Variants in LYPD1 observed in about 807,000 individuals in gnomAD.
LYPD1 encodes the protein ly6/PLAUR domain-containing protein 1.
Under a neutral mutation model 14.2 loss-of-function variants are expected in LYPD1, and 14 were observed. The observed-to-expected ratio is 0.99, with a 90% CI of 0.65 to 1.54. LYPD1 has a LOEUF of 1.54. Among genes scored for constraint, LYPD1 ranks in the 40% most tolerant of loss-of-function variants. The probability of loss-of-function intolerance (pLI) is 0.00; values close to 1 mark genes in which losing one functional copy is unlikely to be tolerated. For synonymous variants in LYPD1, 85 were observed against 70.6 expected, an observed-to-expected ratio of 1.20 and a Z score of -1.02; for missense variants, 165 against 175.7, an observed-to-expected ratio of 0.94 and a Z score of 0.34.
intron 2 of LYPD1, among the ~76,000 whole-genome samples, chr2:132,667,228 C>T (rs1262109939): frequency 6.6e-6 from 1 of 152,198 alleles, no homozygotes; most frequent in Non-Finnish European, 1.5e-5. Flanking sequence ...GCCAGTATGT[C>T]TGAGGCTTCC....
chr2:132,648,969 A>C (rs1314860792), intron 2 of LYPD1, among the ~76,000 whole-genome samples: 1 of 152,168 alleles, frequency 6.6e-6, no homozygotes, highest in East Asian at 1.9e-4. Context: ...CTTGGTTAAA[A>C]TCTAAGTCTG....
rs892597408 is a variant in LYPD1 at position 132,669,774 on chromosome 2, C to T, written c.52+107G>A. On this transcript the variant is annotated intron_variant, in intron 1 of 2. Transcript: ENST00000397463. This position sits in a 1 kb window ranked among gnomAD's most constrained non-coding sequence, Gnocchi z 4.3. ...CGGCCGCCAACTCCCGCTGGGCAGC[C>T]CCAGCGCAGGGCTGGCCCCGAGGTG... 4.0e-5 allele frequency: 61 copies of T among 1,512,812 alleles called. No homozygotes were observed. Among genetic ancestry groups the T allele is most frequent in the Non-Finnish European group, 5.2e-5 (59 of 1,137,494 alleles). The allele number at this position is 1,512,812 out of a possible 1,614,324, so 93.7% of individuals were successfully genotyped here.
chr2:132,666,471 A>T (rs112604693), intron 2 of LYPD1, among the ~76,000 whole-genome samples: 4,333 of 152,124 alleles, frequency 0.028, 211 homozygotes, highest in African/African-American at 0.098. Context: ...AAACTTCACA[A>T]TTGAAACTGC....
chr2:132,663,343 A>T (rs1336384540), intron 2 of LYPD1, among the ~76,000 whole-genome samples: 1 of 152,172 alleles, frequency 6.6e-6, no homozygotes, highest in Admixed American at 6.5e-5. Context: ...GAGTAATCTC[A>T]GCTCATTACA....
chr2:132,650,050 C>T (rs73955769), intron 2 of LYPD1, among the ~76,000 whole-genome samples: 1,741 of 152,162 alleles, frequency 0.011, 26 homozygotes, highest in African/African-American at 0.035. Flanking sequence ...ATAATTGTAA[C>T]TCAAATCACA....
intron 2 of LYPD1, among the ~76,000 whole-genome samples, chr2:132,649,325 T>C (rs540919405): frequency 6.6e-6 from 1 of 152,266 alleles, no homozygotes; most frequent in East Asian, 1.9e-4. Context: ...GGGATGGGGC[T>C]GAGTGGTGAG....
At position 132,646,031 on chromosome 2, in the gene LYPD1, C is replaced by T. The variant is rs116097695; in HGVS notation, c.*14G>A. On this transcript the variant is annotated 3_prime_UTR_variant, in exon 3 of 3. Transcript: ENST00000397463. ...GGAAGAACAATGCAGGAGGGGGTGG[C>T]ATCTCCTTCAGCTTCAGCAGTGTGC... is the stretch of plus-strand genomic sequence containing the variant. 280 of 1,516,330 alleles carry T rather than the reference C, an allele frequency of 1.8e-4. 1 individual carries two copies. The African/African-American group carries it at 3.2e-3, about 17-fold the overall frequency. 93.9% of individuals were successfully genotyped at this position (1,516,330 alleles called of 1,614,324 possible).
chr2:132,658,564 C>T (rs956875226), intron 2 of LYPD1, among the ~76,000 whole-genome samples: 1 of 152,112 alleles, frequency 6.6e-6, no homozygotes, highest in Admixed American at 6.5e-5. Context: ...TGATATTCAA[C>T]AAAGGGGGCA....
At chr2:132,664,971 A>C (rs892355148) in intron 2 of LYPD1, among the ~76,000 whole-genome samples, 1 of 152,258 alleles carries the variant, frequency 6.6e-6, no homozygotes, top group African/African-American at 2.4e-5. Flanking sequence ...TAGTGAGAAC[A>C]AGTCATTCAT....
intron 2 of LYPD1, among the ~76,000 whole-genome samples, chr2:132,653,784 A>G (rs533409632): frequency 3.9e-4 from 60 of 152,346 alleles, no homozygotes; most frequent in Non-Finnish European, 7.6e-4. Context: ...GCCCCTTGCT[A>G]CAGTGCACTG....
At chr2:132,648,509 C>T in intron 2 of LYPD1, among the ~76,000 whole-genome samples, 1 of 152,226 alleles carries the variant, frequency 6.6e-6, no homozygotes, top group South Asian at 2.1e-4. Flanking sequence ...CGCTATTCTG[C>T]AATTTGCATT....
chr2:132,669,239 C>T lies in LYPD1; in HGVS notation c.52+642G>A, dbSNP rs946633557. ...CCCCGCAGCCCTTTCTTCCAGGCCCCGGCTTTCAGGACAACCGTTCGACTA... is the reference window on the plus strand; with the variant it reads ...CCCCGCAGCCCTTTCTTCCAGGCCCTGGCTTTCAGGACAACCGTTCGACTA... On this transcript the variant is annotated intron_variant, in intron 1 of 2. Transcript: ENST00000397463. This position sits in a 1 kb window ranked among gnomAD's most constrained non-coding sequence, Gnocchi z 4.3. 1.5e-4 allele frequency among the ~76,000 whole-genome samples: 23 copies of T among 152,158 alleles called. No homozygotes were observed. The highest frequency in any genetic ancestry group is 1.4e-3 in the Admixed American group (21 of 15,284).
Position 132,668,541 on chromosome 2 carries a change from C to A in LYPD1, c.53-4G>T, listed in dbSNP as rs763255121. The A allele has an allele frequency of 1.1e-5, 18 of 1,611,144 alleles. No individual in the cohort carries two copies. The highest frequency in any genetic ancestry group is 1.5e-5 in the Non-Finnish European group (18 of 1,179,060). ...CACTGGATTTGCAGCGCAAAGCCTG[C>A]GAGACAGACGCAGTCGGGTTCAGAT... is the stretch of plus-strand genomic sequence containing the variant. On this transcript the variant is annotated splice_region_variant and splice_polypyrimidine_tract_variant and intron_variant, in intron 1 of 2. Transcript: ENST00000397463.
upstream of LYPD1, among the ~76,000 whole-genome samples, chr2:132,670,665 G>T (rs981020651): frequency 2.6e-5 from 4 of 152,266 alleles, no homozygotes; most frequent in Middle Eastern, 3.4e-3. The surrounding 1 kb of genome is among the most constrained non-coding windows in gnomAD (Gnocchi z 4.5). Context: ...CGCCCCGGGA[G>T]GCTGACAGGA....
chr2:132,661,238 C>G (rs938659000), intron 2 of LYPD1, among the ~76,000 whole-genome samples: 9 of 152,118 alleles, frequency 5.9e-5, no homozygotes, highest in Non-Finnish European at 1.0e-4. Context: ...GAAACTAATT[C>G]AAGATCTCAA....
chr2:132,653,180 A>C (rs897482498), intron 2 of LYPD1, among the ~76,000 whole-genome samples: 3 of 152,204 alleles, frequency 2.0e-5, no homozygotes, highest in Non-Finnish European at 4.4e-5. Context: ...ACCCTGAGGA[A>C]AGAACATGAA....
intron 2 of LYPD1, among the ~76,000 whole-genome samples, chr2:132,653,067 T>C (rs1682417020): frequency 6.6e-6 from 1 of 152,214 alleles, no homozygotes; most frequent in Admixed American, 6.5e-5. Flanking sequence ...GATCCTCTCC[T>C]TTAATGGCCT....
chr2:132,645,332 T>G lies in LYPD1; in HGVS notation c.*713A>C. 6.2e-7 allele frequency: 1 copy of G among 1,614,178 alleles called. No homozygotes were observed. Among genetic ancestry groups the G allele is most frequent in the African/African-American group, 1.3e-5 (1 of 75,062 alleles). On this transcript the variant is annotated 3_prime_UTR_variant, in exon 3 of 3. Coordinates refer to ENST00000397463, the MANE Select transcript of LYPD1 (RefSeq NM_144586.7). Reference sequence around the variant, plus strand: ...TTCGTGCAGGTGCTGTGCTGCCGCCTGTCGCTGCAGCACGCCAACCACGAG... The same window carrying G: ...TTCGTGCAGGTGCTGTGCTGCCGCCGGTCGCTGCAGCACGCCAACCACGAG...
upstream of LYPD1, chr2:132,671,104 G>A (rs1420110551): frequency 6.6e-6 from 1 of 152,436 alleles, no homozygotes; most frequent in African/African-American, 2.4e-5. Flanking sequence ...GGCCATCCCA[G>A]CCTCGGACTC....
Sources: allele counts gnomAD v4.1 joint callset (sites outside exome capture counted in the v4.1 genomes callset), GRCh38; gene constraint gnomAD v4.1.1; non-coding constraint Gnocchi (gnomAD v3.1); transcripts MANE v1.5; gene names NCBI Gene and HGNC (gene_info 2026-07-23, HGNC 2026-07-21).